Variants in RGL1 observed in about 807,000 individuals in gnomAD.
The protein encoded by RGL1 is ral guanine nucleotide dissociation stimulator-like 1.
RGL1 carries 24 observed loss-of-function variants against 95.2 expected under a neutral mutation model. The observed-to-expected ratio is 0.25, with a 90% CI of 0.18 to 0.35. RGL1 has a LOEUF of 0.35. Ranked by LOEUF, RGL1 falls within the 10% of genes least tolerant of loss-of-function variation. The pLI is 1.00. For synonymous variants in RGL1, 329 were observed against 344.9 expected, an observed-to-expected ratio of 0.95 and a Z score of 0.51; for missense variants, 715 against 936.3, an observed-to-expected ratio of 0.76 and a Z score of 3.08.
chr1:183,787,012 C>T (rs1282824689), intron 2 of RGL1, among the ~76,000 whole-genome samples: 3 of 152,166 alleles, frequency 2.0e-5, no homozygotes, highest in Admixed American at 1.3e-4. Context: ...TGTACATAAT[C>T]GGGACCTGCT....
rs1267961772 is a variant in RGL1, at chr1:183,839,043, G to T, written c.139-8523G>T. On this transcript the variant is annotated intron_variant, in intron 2 of 17. Transcript: ENST00000360851. ...AATCTGGTGGTGAAGATTTCTTCTGGTTTCTCTGCCCAGAAATGCCATCAT... is the reference window on the plus strand; with the variant it reads ...AATCTGGTGGTGAAGATTTCTTCTGTTTTCTCTGCCCAGAAATGCCATCAT... Among the ~76,000 whole-genome samples the T allele has an allele frequency of 2.6e-5, 4 of 152,242 alleles. No homozygotes were observed. In the East Asian group the frequency reaches 7.7e-4, roughly 29 times the overall value.
intron 1 of RGL1, among the ~76,000 whole-genome samples, chr1:183,714,003 A>T (rs904756354): frequency 1.3e-5 from 2 of 152,114 alleles, no homozygotes; most frequent in Admixed American, 1.3e-4. Context: ...GCCTTTTGGG[A>T]TCATTTGCAT....
chr1:183,745,102 C>T (rs1347304588), intron 2 of RGL1, among the ~76,000 whole-genome samples: 2 of 152,078 alleles, frequency 1.3e-5, no homozygotes, highest in African/African-American at 4.8e-5. Flanking sequence ...CTTGTTGTAA[C>T]ACAAATTTCC....
intron 12 of RGL1, among the ~76,000 whole-genome samples, chr1:183,903,280 C>T (rs796099043): frequency 7.2e-5 from 11 of 152,202 alleles, no homozygotes; most frequent in African/African-American, 2.2e-4. Flanking sequence ...CCTTCGTCTT[C>T]GGTGTAGGTA....
At chr1:183,877,420 A>G (rs1666562960) in intron 4 of RGL1, among the ~76,000 whole-genome samples, 1 of 152,152 alleles carries the variant, frequency 6.6e-6, no homozygotes. Context: ...TTGAAATCTT[A>G]AAAGTTTCGC....
intron 4 of RGL1, among the ~76,000 whole-genome samples, chr1:183,880,285 G>GA (rs1387483212): frequency 6.6e-6 from 1 of 152,112 alleles, no homozygotes; most frequent in African/African-American, 2.4e-5. Flanking sequence ...AGATTGCTTT[G>GA]AAGTTTCTTC....
At chr1:183,840,705 AAATAAATAAATAAATAAAT>A (rs1361260697) in intron 2 of RGL1, among the ~76,000 whole-genome samples, 46 of 62,632 alleles carry the variant, frequency 7.3e-4, no homozygotes, top group South Asian at 3.1e-3. Context: ...TCTAAAAAAT[AAATAAATAAATAAATAAAT>A]AATAAATAAA....
rs186295234 is a variant in RGL1 at position 183,828,185 on chromosome 1, C to T, written c.139-19381C>T. The stretch of plus-strand genomic sequence containing the variant: ...CATTACACCTCTTTGACAAGAGAAA[C>T]CTATGTTTTATTTAATTTAGACAGT... On this transcript the variant is annotated intron_variant, in intron 2 of 17. Coordinates refer to ENST00000360851, the MANE Select transcript of RGL1 (RefSeq NM_001297671.3). Among the ~76,000 whole-genome samples the T allele has an allele frequency of 4.6e-5, 7 of 152,278 alleles. No homozygotes were observed. The East Asian group carries it at 1.3e-3, about 29-fold the overall frequency.
chr1:183,899,281 A>G (rs1162654462), intron 10 of RGL1, among the ~76,000 whole-genome samples: 2 of 152,166 alleles, frequency 1.3e-5, no homozygotes, highest in African/African-American at 4.8e-5. Context: ...CCAGTTTTCC[A>G]CTAGTATCTT....
intron 16 of RGL1, among the ~76,000 whole-genome samples, chr1:183,920,982 G>T (rs1488125966): frequency 6.6e-6 from 1 of 152,110 alleles, no homozygotes; most frequent in Non-Finnish European, 1.5e-5. Context: ...GGGTCGTGGG[G>T]GGCTTTCTTT....
At chr1:183,711,067 C>A (rs1655233056) in intron 1 of RGL1, among the ~76,000 whole-genome samples, 1 of 152,176 alleles carries the variant, frequency 6.6e-6, no homozygotes, top group African/African-American at 2.4e-5. Flanking sequence ...TGAGCTCCTG[C>A]TCCTGGAGGT....
intron 1 of RGL1, among the ~76,000 whole-genome samples, chr1:183,679,406 G>A (rs1485186188): frequency 2.2e-5 from 3 of 136,832 alleles, no homozygotes; most frequent in Non-Finnish European, 4.7e-5. Flanking sequence ...CCCCCGACAG[G>A]CCCCCGTGTG....
chr1:183,752,447 G>A (rs939386280), intron 2 of RGL1, among the ~76,000 whole-genome samples: 4 of 151,962 alleles, frequency 2.6e-5, no homozygotes, highest in Non-Finnish European at 4.4e-5. Flanking sequence ...GGATGGTCTC[G>A]ATCTCTTGAC....
At chr1:183,885,090 G>A (rs1667040825) in intron 7 of RGL1, 152 bp downstream of exon 7, 5 of 687,890 alleles carry the variant, frequency 7.3e-6, no homozygotes, top group Non-Finnish European at 1.2e-5. Flanking sequence ...TCCAGAGTAA[G>A]AAAAAAGTTG....
In RGL1 at chr1:183,907,039, A is replaced by T; in HGVS notation, c.1500A>T (p.Ala500=). ...ESYALSCEIE[A]AADASTTSPK... The stretch of plus-strand genomic sequence containing the variant: ...ATGCCCTGTCATGTGAGATTGAAGC[A>T]GCTGCTGACGCCAGCACCACCTCGC... Residue 500 remains alanine (A), a synonymous_variant, in exon 14 of 18, where the codon GCA becomes GCT. Coordinates refer to ENST00000360851, the MANE Select transcript of RGL1 (RefSeq NM_001297671.3). The T allele has an allele frequency of 6.2e-7, 1 of 1,611,784 alleles. No homozygotes were observed. The highest frequency in any genetic ancestry group is 8.5e-7 in the Non-Finnish European group (1 of 1,178,304).
intron 2 of RGL1, among the ~76,000 whole-genome samples, chr1:183,767,550 G>C (rs967394973): frequency 9.2e-5 from 14 of 152,160 alleles, no homozygotes; most frequent in African/African-American, 3.4e-4. Flanking sequence ...GTACTTTAGT[G>C]CTAGTACTAT....
intron 1 of RGL1, among the ~76,000 whole-genome samples, chr1:183,739,542 G>C (rs1173435393): frequency 3.3e-5 from 5 of 152,184 alleles, no homozygotes; most frequent in African/African-American, 1.2e-4. Context: ...CAGATAATGT[G>C]GAAAATGCCT....
Position 183,912,227 on chromosome 1 carries a change from T to C in RGL1, c.1708T>C (p.Ser570Pro). 6.2e-7 allele frequency: 1 copy of C among 1,614,018 alleles called. No individual in the cohort carries two copies. The highest frequency in any genetic ancestry group is 8.5e-7 in the Non-Finnish European group (1 of 1,179,966). Residue 570 changes from serine (S) to proline (P), a missense_variant, in exon 15 of 18, where the codon TCC (serine) becomes CCC (proline). Transcript: ENST00000360851. ...ESNHSEAEEGSITPMDTPDEP... is the reference protein window; with the variant it reads ...ESNHSEAEEGPITPMDTPDEP... ...GAACCACTCAGAGGCTGAGGAGGGC[T>C]CCATTACTCCCATGGACACCCCTGA...
At chr1:183,858,020 T>C (rs114144165) in intron 3 of RGL1, among the ~76,000 whole-genome samples, 3,030 of 152,208 alleles carry the variant, frequency 0.02, 88 homozygotes, top group African/African-American at 0.065. Flanking sequence ...AAGTAGCTTG[T>C]TTTTTTTATT....
Sources: gnomAD v4.1 joint callset for allele counts (sites outside exome capture counted in the v4.1 genomes callset) on GRCh38, gnomAD v4.1.1 for gene constraint, MANE v1.5 for transcripts, NCBI Gene and HGNC (gene_info 2026-07-23, HGNC 2026-07-21) for gene names.